DHRSX: variants seen among roughly 807,000 people sequenced by gnomAD.
DHRSX encodes the protein polyprenol dehydrogenase.
A neutral mutation model predicts 34.0 loss-of-function variants in DHRSX; 31 were observed. The observed-to-expected ratio is 0.91, with a 90% CI of 0.69 to 1.23. The LOEUF (loss-of-function observed/expected upper bound fraction) is 1.23, where lower values mean the gene tolerates loss of function less well. DHRSX is among the 50% of genes most tolerant of loss of function. The probability of loss-of-function intolerance (pLI) is 0.00; values close to 1 mark genes in which losing one functional copy is unlikely to be tolerated. For synonymous variants in DHRSX, 201 were observed against 183.8 expected (o/e 1.09, Z -0.76); for missense variants, 414 against 428.1 (o/e 0.97, Z 0.29).
chrX:2,259,798 TCTC>T (rs2124452662), intron 5 of DHRSX, among the ~76,000 whole-genome samples: 1 of 151,602 alleles, frequency 6.6e-6, no homozygotes, highest in Admixed American at 6.6e-5. Flanking sequence ...CACGTGGACT[TCTC>T]CTCTGTGTCT....
intron 3 of DHRSX, among the ~76,000 whole-genome samples, chrX:2,307,011 C>T (rs34694761): frequency 0.36 from 53,978 of 148,870 alleles, 10,742 homozygotes; most frequent in Middle Eastern, 0.51. Flanking sequence ...TGTTCTGGAT[C>T]TGATTTCTTC....
chrX:2,381,922 G>A (rs1320593075), intron 3 of DHRSX, among the ~76,000 whole-genome samples: 1 of 152,026 alleles, frequency 6.6e-6, no homozygotes, highest in Non-Finnish European at 1.5e-5. Context: ...AAATCTGCAG[G>A]AGGGGTAACA....
rs2015493128 is a variant in DHRSX at position 2,220,272 on chromosome X, C to A, written c.*769G>T. 1 of 152,152 alleles carries A rather than the reference C, an allele frequency of 6.6e-6. No individual in the cohort carries two copies. Among genetic ancestry groups the A allele is most frequent in the Admixed American group, 6.6e-5 (1 of 15,250 alleles). The allele number at this position is 152,152 out of a possible 1,614,324, so 9.4% of individuals were successfully genotyped here. On this transcript the variant is annotated 3_prime_UTR_variant, in exon 7 of 7. Coordinates refer to ENST00000334651, the MANE Select transcript of DHRSX (RefSeq NM_145177.3). ...TCCCTCTACCTGTCTCTGATAAGAA[C>A]CCTCGTGATGGCATTAGGTTCACTG...
At chrX:2,478,089 C>T (rs73622918) in intron 1 of DHRSX, among the ~76,000 whole-genome samples, 23,210 of 144,566 alleles carry the variant, frequency 0.16, no homozygotes, top group African/African-American at 0.3. Flanking sequence ...GCTGCAGTTC[C>T]AGAAAGCAAA....
intron 5 of DHRSX, among the ~76,000 whole-genome samples, chrX:2,264,752 A>C (rs1286625186): frequency 6.6e-6 from 1 of 151,616 alleles, no homozygotes. Flanking sequence ...AGACACAGGG[A>C]GTACCGTGCC....
chrX:2,258,227 G>A (rs192560886), intron 5 of DHRSX, among the ~76,000 whole-genome samples: 1 of 148,846 alleles, frequency 6.7e-6, no homozygotes, highest in East Asian at 2.0e-4. Context: ...AGCCTGAGAT[G>A]GAGTAAGGCA....
intron 6 of DHRSX, among the ~76,000 whole-genome samples, chrX:2,236,893 A>AG (rs1408569071): frequency 6.6e-6 from 1 of 151,696 alleles, no homozygotes; most frequent in Non-Finnish European, 1.5e-5. Flanking sequence ...TAAAAAAAAA[A>AG]AAAGAAATGG....
intron 5 of DHRSX, among the ~76,000 whole-genome samples, chrX:2,253,574 A>G (rs939568900): frequency 6.6e-6 from 1 of 152,270 alleles, no homozygotes; most frequent in Admixed American, 6.5e-5. Context: ...TGGGTGAGAC[A>G]GGGAGACTGC....
intron 3 of DHRSX, among the ~76,000 whole-genome samples, chrX:2,337,236 G>C (rs772780501): frequency 9.2e-5 from 14 of 152,066 alleles, no homozygotes; most frequent in Admixed American, 5.3e-4. Flanking sequence ...ATGCATTCTC[G>C]TTAAGGATAT....
intron 3 of DHRSX, among the ~76,000 whole-genome samples, chrX:2,351,121 C>T (rs2042784254): frequency 6.6e-6 from 1 of 152,150 alleles, no homozygotes; most frequent in Non-Finnish European, 1.5e-5. Flanking sequence ...AGGGCAAATA[C>T]TTAATGCATG....
intron 1 of DHRSX, among the ~76,000 whole-genome samples, chrX:2,439,721 A>C (rs1205153532): frequency 6.6e-6 from 1 of 152,114 alleles, no homozygotes; most frequent in Admixed American, 6.6e-5. Context: ...CATACGGAGC[A>C]CGCCACCTAG....
intron 4 of DHRSX, among the ~76,000 whole-genome samples, chrX:2,268,734 T>A (rs2041509069): frequency 6.6e-6 from 1 of 152,252 alleles, no homozygotes; most frequent in South Asian, 2.1e-4. Context: ...GCATACAGTG[T>A]ATGTATATAT....
At position 2,272,003 on chromosome X, in the gene DHRSX, T is replaced by A. The variant is rs1249275966; in HGVS notation, c.389-5056A>T. Reference sequence around the variant, plus strand: ...TTGCAGTGAGCCGAGATCACACCACTGCACTCCAGCCTGGGCGAAAGAGTG... The same window carrying A: ...TTGCAGTGAGCCGAGATCACACCACAGCACTCCAGCCTGGGCGAAAGAGTG... On this transcript the variant is annotated intron_variant, in intron 4 of 6. Coordinates refer to ENST00000334651, the MANE Select transcript of DHRSX (RefSeq NM_145177.3). Among the ~76,000 whole-genome samples, 6 of 152,034 alleles carry A rather than the reference T, an allele frequency of 3.9e-5. No homozygotes were observed. The East Asian group carries it at 1.2e-3, about 29-fold the overall frequency.
At chrX:2,259,355 GATAGATATAGATAT>G (rs2041326943) in intron 5 of DHRSX, among the ~76,000 whole-genome samples, 1 of 112,742 alleles carries the variant, frequency 8.9e-6, no homozygotes, top group African/African-American at 3.2e-5. Flanking sequence ...TAGATATATA[GATAGATATAGATAT>G]ATATAGATAT....
chrX:2,399,484 A>G (rs2043457814), intron 3 of DHRSX, among the ~76,000 whole-genome samples: 1 of 151,606 alleles, frequency 6.6e-6, no homozygotes, highest in South Asian at 2.1e-4. Flanking sequence ...AGGCAGGCAG[A>G]TCACAAAGTC....
intron 1 of DHRSX, among the ~76,000 whole-genome samples, chrX:2,479,002 C>A (rs773339153): frequency 1.3e-5 from 2 of 151,514 alleles, no homozygotes; most frequent in Admixed American, 1.3e-4. Context: ...CAAGGGATGG[C>A]CACCATGTAC....
intron 3 of DHRSX, among the ~76,000 whole-genome samples, chrX:2,390,952 AG>A (rs2043328885): frequency 6.6e-6 from 1 of 152,002 alleles, no homozygotes; most frequent in Non-Finnish European, 1.5e-5. Context: ...AATGTCCTCA[AG>A]GTTAGCCCAC....
chrX:2,351,079 A>G (rs1018391369), intron 3 of DHRSX, among the ~76,000 whole-genome samples: 40 of 152,060 alleles, frequency 2.6e-4, no homozygotes, highest in African/African-American at 9.4e-4. Flanking sequence ...GGGGCCTGTC[A>G]GGGAGCTGGG....
intron 1 of DHRSX, among the ~76,000 whole-genome samples, chrX:2,440,678 G>A (rs754184188): frequency 1.3e-5 from 2 of 152,026 alleles, no homozygotes; most frequent in East Asian, 1.9e-4. Context: ...TGGACCGTTG[G>A]ACCTACACCA....
Sources: allele counts gnomAD v4.1 joint callset (sites outside exome capture counted in the v4.1 genomes callset), GRCh38; gene constraint gnomAD v4.1.1; transcripts MANE v1.5; gene names NCBI Gene and HGNC (gene_info 2026-07-23, HGNC 2026-07-21).